The following GALNT17 variants were observed in gnomAD, a reference collection of about 807,000 sequenced individuals.
GALNT17 encodes polypeptide N-acetylgalactosaminyltransferase 17, also known as UDP-GalNAc:polypeptide N-acetylgalactosaminyltransferase-like 3.
GALNT17 carries 29 observed loss-of-function variants against 63.7 expected under a neutral mutation model. That is an observed-to-expected ratio of 0.46 (90% CI 0.34 to 0.62). The LOEUF (loss-of-function observed/expected upper bound fraction) is 0.62, where lower values mean the gene tolerates loss of function less well. GALNT17 is among the 20% of genes least tolerant of loss of function. GALNT17 has a pLI of 0.01. For missense variants in GALNT17, 603 were observed against 799.6 expected (o/e 0.75, Z 2.97); for synonymous variants, 305 against 318.3 (o/e 0.96, Z 0.45).
At chr7:71,381,240 C>T (rs574024803) in intron 2 of GALNT17, among the ~76,000 whole-genome samples, 6 of 151,994 alleles carry the variant, frequency 3.9e-5, no homozygotes, top group African/African-American at 1.4e-4. Flanking sequence ...GGATTCCAGG[C>T]GTGAGCCACC....
chr7:71,432,214 A>G (rs767226597), intron 5 of GALNT17, among the ~76,000 whole-genome samples: 18 of 152,152 alleles, frequency 1.2e-4, no homozygotes, highest in Non-Finnish European at 2.5e-4. Flanking sequence ...AGAGTCCCAC[A>G]GAAGTCAGTT....
At chr7:71,342,026 A>C (rs1345588735) in intron 2 of GALNT17, among the ~76,000 whole-genome samples, 1 of 152,208 alleles carries the variant, frequency 6.6e-6, no homozygotes, top group Non-Finnish European at 1.5e-5. Context: ...TTGTGACTAC[A>C]TTAAGATTTT....
intron 5 of GALNT17, among the ~76,000 whole-genome samples, chr7:71,477,980 T>C (rs1182601830): frequency 6.6e-6 from 1 of 152,222 alleles, no homozygotes; most frequent in East Asian, 1.9e-4. Flanking sequence ...AAGAATCTTA[T>C]TGATACAATT....
At chr7:71,497,180 A>T (rs1267995833) in intron 5 of GALNT17, among the ~76,000 whole-genome samples, 4 of 152,200 alleles carry the variant, frequency 2.6e-5, no homozygotes, top group Non-Finnish European at 5.9e-5. Context: ...CCAGGACTGG[A>T]TACATTTGAC....
intron 5 of GALNT17, among the ~76,000 whole-genome samples, chr7:71,558,781 G>C (rs758646404): frequency 6.6e-6 from 1 of 152,136 alleles, no homozygotes; most frequent in African/African-American, 2.4e-5. Flanking sequence ...CGAGAAAATT[G>C]CTTATAGGGA....
At chr7:71,276,814 A>G (rs1487010869) in intron 1 of GALNT17, among the ~76,000 whole-genome samples, 1 of 152,108 alleles carries the variant, frequency 6.6e-6, no homozygotes, top group Admixed American at 6.5e-5. Context: ...CCTGGCCAAC[A>G]TGGTGAAACC....
intron 6 of GALNT17, among the ~76,000 whole-genome samples, chr7:71,594,550 G>A (rs374173744): frequency 4.6e-5 from 7 of 151,988 alleles, no homozygotes; most frequent in South Asian, 4.2e-4. Flanking sequence ...TCAGTCTCCC[G>A]AAGTGTTCAT....
In GALNT17 at chr7:71,377,117, ATAT is replaced by A. The variant is rs1563047707; in HGVS notation, c.423-11117_423-11115del. On this transcript the variant is annotated intron_variant, in intron 2 of 10. Coordinates refer to ENST00000333538, the MANE Select transcript of GALNT17 (RefSeq NM_022479.3). ...AAAAAAAAATAAAAATAAAAAAAAT[ATAT>A]ATATATATATATATATATATAAAAT... Among the ~76,000 whole-genome samples, 573 of 80,140 alleles carry A rather than the reference ATAT, an allele frequency of 7.1e-3. 66 individuals carry two copies. The highest frequency in any genetic ancestry group is 0.053 in the East Asian group (180 of 3,414). The allele number at this position is 80,140 out of a possible 152,430, so 52.6% of individuals were successfully genotyped here.
At chr7:71,203,189 G>C (rs1789207916) in intron 1 of GALNT17, among the ~76,000 whole-genome samples, 1 of 152,160 alleles carries the variant, frequency 6.6e-6, no homozygotes, top group South Asian at 2.1e-4. Context: ...GGATCATATG[G>C]TGGTTCCATT....
chr7:71,286,958 C>T (rs562679121), intron 1 of GALNT17, among the ~76,000 whole-genome samples: 7 of 151,620 alleles, frequency 4.6e-5, no homozygotes, highest in Non-Finnish European at 1.0e-4. Flanking sequence ...AACTGGCTAA[C>T]GTTTTTGTAT....
At chr7:71,691,226 G>GCC (rs944309759) in intron 9 of GALNT17, among the ~76,000 whole-genome samples, 2 of 152,124 alleles carry the variant, frequency 1.3e-5, no homozygotes, top group Non-Finnish European at 2.9e-5. Flanking sequence ...ATAACATCAA[G>GCC]CCGTGACCCT....
chr7:71,691,406 A>G (rs1379653305), intron 9 of GALNT17, among the ~76,000 whole-genome samples: 1 of 152,164 alleles, frequency 6.6e-6, no homozygotes, highest in South Asian at 2.1e-4. Flanking sequence ...GGAAACCAAT[A>G]TATTTGTGTG....
chr7:71,469,284 T>G (rs552406556), intron 5 of GALNT17, among the ~76,000 whole-genome samples: 1 of 152,348 alleles, frequency 6.6e-6, no homozygotes, highest in South Asian at 2.1e-4. Context: ...ATGGCTCTGC[T>G]GTGTCACCGT....
At chr7:71,612,686 G>T (rs542428774) in intron 6 of GALNT17, among the ~76,000 whole-genome samples, 2 of 152,188 alleles carry the variant, frequency 1.3e-5, no homozygotes, top group Non-Finnish European at 2.9e-5. Flanking sequence ...ACCGATTCCT[G>T]CAATTGTTTC....
intron 1 of GALNT17, among the ~76,000 whole-genome samples, chr7:71,290,501 G>A (rs1790960525): frequency 1.3e-5 from 2 of 152,060 alleles, no homozygotes; most frequent in African/African-American, 2.4e-5. Context: ...TAGATGGCCC[G>A]GGGAGGCTAC....
rs151180957 is a variant in GALNT17, at chr7:71,573,162, C to T, written c.1080+1760C>T. Among the ~76,000 whole-genome samples, 1,501 of 151,942 alleles carry T rather than the reference C, an allele frequency of 9.9e-3. 35 individuals are homozygous for T. Among genetic ancestry groups the T allele is most frequent in the African/African-American group, 0.034 (1,427 of 41,456 alleles). ...TAGCTGGGATTACAGGCACGTGCCACTGCACCTGGCTAATTTTTTATATTT... is the reference window on the plus strand; with the variant it reads ...TAGCTGGGATTACAGGCACGTGCCATTGCACCTGGCTAATTTTTTATATTT... On this transcript the variant is annotated intron_variant, in intron 6 of 10. Coordinates refer to ENST00000333538, the MANE Select transcript of GALNT17 (RefSeq NM_022479.3).
In GALNT17 at chr7:71,294,161, C is replaced by CAA. The variant is rs11378077; in HGVS notation, c.239-41376_239-41375dup. Among the ~76,000 whole-genome samples, 1,339 of 142,960 alleles carry CAA rather than the reference C, an allele frequency of 9.4e-3. 9 individuals carry two copies. The highest frequency in any genetic ancestry group is 0.018 in the African/African-American group (717 of 39,012). The allele number at this position is 142,960 out of a possible 152,430, so 93.8% of individuals were successfully genotyped here. On this transcript the variant is annotated intron_variant, in intron 1 of 10. Coordinates refer to ENST00000333538, the MANE Select transcript of GALNT17 (RefSeq NM_022479.3). ...TGGGCAACAGAGCGAGACTCCGTCT[C>CAA]AAAAAAAAAAAAAATTCTTTGTCTT...
intron 5 of GALNT17, among the ~76,000 whole-genome samples, chr7:71,540,092 C>CAT (rs1202520298): frequency 1.7e-5 from 1 of 59,918 alleles, no homozygotes; most frequent in Non-Finnish European, 3.7e-5. Context: ...CTGTGCCTGG[C>CAT]CTTTTTTTTT....
chr7:71,212,100 A>G (rs1192909955), intron 1 of GALNT17, among the ~76,000 whole-genome samples: 1 of 152,212 alleles, frequency 6.6e-6, no homozygotes, highest in African/African-American at 2.4e-5. Context: ...AGCCCCTCCC[A>G]TCACAGGCCC....
Sources: allele counts gnomAD v4.1 joint callset (sites outside exome capture counted in the v4.1 genomes callset), GRCh38; gene constraint gnomAD v4.1.1; transcripts MANE v1.5; gene names NCBI Gene and HGNC (gene_info 2026-07-23, HGNC 2026-07-21).